The following MMP26 variants were observed in gnomAD, a reference collection of about 807,000 sequenced individuals.
MMP26 encodes the protein matrix metalloproteinase-26.
A neutral mutation model predicts 31.0 loss-of-function variants in MMP26; 33 were observed. The observed-to-expected ratio is 1.06, with a 90% confidence interval of 0.81 to 1.42. The LOEUF (loss-of-function observed/expected upper bound fraction) is 1.42, where lower values mean the gene tolerates loss of function less well. MMP26 is among the 40% of genes most tolerant of loss of function. MMP26 has a pLI of 0.00. For synonymous variants in MMP26, 122 were observed against 114.9 expected, an observed-to-expected ratio of 1.06 and a Z score of -0.40; for missense variants, 347 against 316.1, an observed-to-expected ratio of 1.10 and a Z score of -0.74.
intron 2 of MMP26, among the ~76,000 whole-genome samples, chr11:4,926,851 T>C (rs1851280304): frequency 1.3e-5 from 2 of 152,168 alleles, no homozygotes; most frequent in African/African-American, 2.4e-5. Context: ...TAGCACAGAT[T>C]TGGAACTTAG....
rs531013617 is a variant in MMP26, at chr11:4,907,977, C to T, written c.-144-80091C>T. 7 of 1,614,142 alleles carry T rather than the reference C, an allele frequency of 4.3e-6. No individual in the cohort carries two copies. In the South Asian group the frequency reaches 7.7e-5, roughly 18 times the overall value. On this transcript the variant is annotated intron_variant, in intron 2 of 7. Coordinates refer to ENST00000380390, the MANE Select transcript of MMP26 (RefSeq NM_021801.5). ...AATGTCATCTATGGCTTCTTCATTG[C>T]TCTCTGTACTATGCTGGACTTGGCA...
intron 2 of MMP26, among the ~76,000 whole-genome samples, chr11:4,798,119 T>C (rs4910682): frequency 0.37 from 56,138 of 152,158 alleles, 11,450 homozygotes; most frequent in African/African-American, 0.52. Flanking sequence ...AAATCTCTTT[T>C]ACGACGGCCC....
chr11:4,944,594 T>C (rs552816443), intron 2 of MMP26: 1 of 152,316 alleles, frequency 6.6e-6, no homozygotes, highest in East Asian at 1.9e-4. Flanking sequence ...CACCTGAGGT[T>C]AGAAGTGTAG....
intron 2 of MMP26, chr11:4,944,196 CTAGGA>C: frequency 2.4e-6 from 1 of 417,316 alleles, no homozygotes; most frequent in South Asian, 1.8e-5. Flanking sequence ...ATTTTCTACA[CTAGGA>C]TAGGTTTGTG....
intron 1 of MMP26, among the ~76,000 whole-genome samples, chr11:4,706,051 A>G (rs1042496371): frequency 1.3e-5 from 2 of 152,014 alleles, no homozygotes; most frequent in African/African-American, 2.4e-5. Context: ...CAAGAATCCT[A>G]TTACGTTTCC....
At chr11:4,822,535 T>A in intron 2 of MMP26, 1 of 579,050 alleles carries the variant, frequency 1.7e-6, no homozygotes, top group East Asian at 3.4e-5. Flanking sequence ...AATAAATTCA[T>A]GTCATTGCCA....
chr11:4,832,461 C>G (rs1849659821), intron 2 of MMP26: 1 of 152,990 alleles, frequency 6.5e-6, no homozygotes, highest in Admixed American at 6.5e-5. Context: ...CATGGATTCA[C>G]AGACATGGAG....
intron 2 of MMP26, among the ~76,000 whole-genome samples, chr11:4,845,059 G>A (rs1353793953): frequency 6.6e-6 from 1 of 151,898 alleles, no homozygotes; most frequent in Non-Finnish European, 1.5e-5. Flanking sequence ...AAATTTGCAG[G>A]ATACAAAATT....
intron 2 of MMP26, among the ~76,000 whole-genome samples, chr11:4,797,852 C>A (rs990371176): frequency 2.6e-5 from 4 of 152,162 alleles, no homozygotes; most frequent in Non-Finnish European, 4.4e-5. Context: ...AGAATTAATT[C>A]CTACCCAGGA....
chr11:4,868,122 C>T (rs1248555495), intron 2 of MMP26, among the ~76,000 whole-genome samples: 2 of 152,062 alleles, frequency 1.3e-5, no homozygotes, highest in Non-Finnish European at 2.9e-5. Context: ...GGACATTATC[C>T]TCAGCAAACT....
intron 1 of MMP26, among the ~76,000 whole-genome samples, chr11:4,765,256 T>C (rs1848614670): frequency 6.6e-6 from 1 of 152,176 alleles, no homozygotes; most frequent in Admixed American, 6.5e-5. Flanking sequence ...TTCTAGAAGG[T>C]ATAGAACTCT....
chr11:4,961,518 G>A (rs1346339172), intron 2 of MMP26, among the ~76,000 whole-genome samples: 1 of 152,132 alleles, frequency 6.6e-6, no homozygotes, highest in Non-Finnish European at 1.5e-5. Context: ...CTAAAATTAA[G>A]TCCACAAGTT....
chr11:4,978,570 G>C (rs1455065816), intron 2 of MMP26, among the ~76,000 whole-genome samples: 1 of 152,088 alleles, frequency 6.6e-6, no homozygotes, highest in Non-Finnish European at 1.5e-5. Context: ...TGGAAGCGAT[G>C]TTTAGTAATG....
At chr11:4,719,869 A>G (rs1847987408) in intron 1 of MMP26, among the ~76,000 whole-genome samples, 1 of 152,228 alleles carries the variant, frequency 6.6e-6, no homozygotes, top group South Asian at 2.1e-4. Flanking sequence ...TTTGTTTTAA[A>G]AAAATAGAAA....
intron 2 of MMP26, among the ~76,000 whole-genome samples, chr11:4,850,921 A>G (rs902935454): frequency 4.0e-5 from 6 of 150,574 alleles, no homozygotes; most frequent in African/African-American, 1.5e-4. Flanking sequence ...ATTTTTTAAT[A>G]AAATATAACT....
chr11:4,940,425 G>A (rs1019063423), intron 2 of MMP26, among the ~76,000 whole-genome samples: 4 of 152,092 alleles, frequency 2.6e-5, no homozygotes, highest in Admixed American at 6.6e-5. Context: ...CATCCTTTCA[G>A]AATCCAAACA....
chr11:4,923,248 C>A, intron 2 of MMP26: 2 of 868,896 alleles, frequency 2.3e-6, no homozygotes, highest in Admixed American at 2.8e-5. Context: ...GGTCACACTG[C>A]CTTATGTTGC....
At position 4,912,199 on chromosome 11, in the gene MMP26, T is replaced by C. The variant is rs557016044; in HGVS notation, c.-144-75869T>C. Among the ~76,000 whole-genome samples, 10 of 152,326 alleles carry C rather than the reference T, an allele frequency of 6.6e-5. No individual in the cohort carries two copies. In the East Asian group the frequency reaches 1.7e-3, roughly 26 times the overall value. ...TTTTACATATATGATATGTCTAAATTGCACAGACAGCCTTGTGGGGTAGAC... is the reference window on the plus strand; with the variant it reads ...TTTTACATATATGATATGTCTAAATCGCACAGACAGCCTTGTGGGGTAGAC... On this transcript the variant is annotated intron_variant, in intron 2 of 7. Coordinates refer to ENST00000380390, the MANE Select transcript of MMP26 (RefSeq NM_021801.5).
chr11:4,900,573 G>A (rs898059333), intron 2 of MMP26, among the ~76,000 whole-genome samples: 1 of 152,188 alleles, frequency 6.6e-6, no homozygotes, highest in African/African-American at 2.4e-5. Context: ...TGCCACCACT[G>A]AGGTTGCTTA....
Sources: gnomAD v4.1 joint callset for allele counts (sites outside exome capture counted in the v4.1 genomes callset) on GRCh38, gnomAD v4.1.1 for gene constraint, MANE v1.5 for transcripts, NCBI Gene and HGNC (gene_info 2026-07-23, HGNC 2026-07-21) for gene names.